PACC1: variants seen among roughly 807,000 people sequenced by gnomAD.
PACC1 encodes proton activated chloride channel 1.
PACC1 carries 34 observed loss-of-function variants against 39.7 expected under a neutral mutation model. The observed-to-expected ratio is 0.86, with a 90% CI of 0.65 to 1.14. The LOEUF (loss-of-function observed/expected upper bound fraction) is 1.14, where lower values mean the gene tolerates loss of function less well. Among genes scored for constraint, PACC1 ranks in the 50% most tolerant of loss-of-function variants. PACC1 has a pLI of 0.00. For synonymous variants in PACC1, 127 were observed against 160.6 expected, an observed-to-expected ratio of 0.79 and a Z score of 1.58; for missense variants, 379 against 436.4, an observed-to-expected ratio of 0.87 and a Z score of 1.17.
Position 212,410,457 on chromosome 1 carries a change from G to A in PACC1, c.101C>T (p.Thr34Met), listed in dbSNP as rs540532429. 7.4e-5 allele frequency: 120 copies of A among 1,614,142 alleles called. No individual in the cohort carries two copies. Among genetic ancestry groups the A allele is most frequent in the Non-Finnish European group, 9.3e-5 (110 of 1,179,994 alleles). Reference protein sequence around the residue: ...SELADEQDKETVRVQGPGILP... With the variant: ...SELADEQDKEMVRVQGPGILP... ...GATACCCGGACCTTGGACTCTGACCGTCTCCTTGTCCTGCTCGTCTGCCAG... is the reference window on the plus strand; with the variant it reads ...GATACCCGGACCTTGGACTCTGACCATCTCCTTGTCCTGCTCGTCTGCCAG... The change falls in exon 2 of 8, where the codon ACG becomes ATG. Residue 34 changes from threonine to methionine, a missense_variant. Transcript: ENST00000261455.
intron 1 of PACC1, among the ~76,000 whole-genome samples, chr1:212,414,349 T>C (rs761246680): frequency 2.6e-5 from 4 of 152,188 alleles, no homozygotes; most frequent in African/African-American, 9.7e-5. Flanking sequence ...GCTCCACTTG[T>C]TGCAAAGAAC....
chr1:212,374,006 T>C (rs895076057), intron 7 of PACC1, among the ~76,000 whole-genome samples: 2 of 151,108 alleles, frequency 1.3e-5, no homozygotes, highest in Admixed American at 1.3e-4. Context: ...AGCAATCTCA[T>C]TGCTGGGTGC....
rs898396456 is a variant in PACC1 at position 212,386,206 on chromosome 1, G to C, written c.343+685C>G. Among the ~76,000 whole-genome samples, 1 of 152,068 alleles carries C rather than the reference G, an allele frequency of 6.6e-6. No individual in the cohort carries two copies. Among genetic ancestry groups the C allele is most frequent in the Non-Finnish European group, 1.5e-5 (1 of 68,012 alleles). ...CACAGGTTACTCAGGGGCATCTGTG[G>C]GCAGAACAGGTGGCACACACTGGGT... is the stretch of plus-strand genomic sequence containing the variant. On this transcript the variant is annotated intron_variant, in intron 3 of 7. Coordinates refer to ENST00000261455, the MANE Select transcript of PACC1 (RefSeq NM_018252.3). This position sits in a 1 kb window ranked among gnomAD's most constrained non-coding sequence, Gnocchi z 5.0.
At chr1:212,371,759 A>G (rs550953458) in intron 7 of PACC1, among the ~76,000 whole-genome samples, 68 of 152,342 alleles carry the variant, frequency 4.5e-4, no homozygotes, top group African/African-American at 1.5e-3. Context: ...TCTGATGAAC[A>G]CAGATGCAAA....
chr1:212,410,381 G>A (rs754293516), intron 2 of PACC1, 44 bp downstream of exon 2: 38 of 1,578,760 alleles, frequency 2.4e-5, no homozygotes, highest in Admixed American at 5.0e-5. Context: ...AGACTGGGGT[G>A]TCCAGCTGCA....
chr1:212,379,809 C>T, intron 5 of PACC1, 86 bp downstream of exon 5: 5 of 1,545,726 alleles, frequency 3.2e-6, no homozygotes, highest in Non-Finnish European at 4.4e-6. Flanking sequence ...CCTGCCCTCA[C>T]CCCTCCGTCT....
At chr1:212,396,200 A>G (rs1023102159) in intron 2 of PACC1, among the ~76,000 whole-genome samples, 1 of 152,228 alleles carries the variant, frequency 6.6e-6, no homozygotes, top group Non-Finnish European at 1.5e-5. Context: ...ATGTCCAACA[A>G]TGATAGACTG....
intron 2 of PACC1, among the ~76,000 whole-genome samples, chr1:212,387,376 G>A (rs752658081): frequency 2.6e-5 from 4 of 152,178 alleles, no homozygotes; most frequent in Middle Eastern, 3.4e-3. Flanking sequence ...GATAAAAAAC[G>A]ATAAAAATGT....
chr1:212,406,225 G>C (rs6666824), intron 2 of PACC1, among the ~76,000 whole-genome samples: 1 of 148,408 alleles, frequency 6.7e-6, no homozygotes, highest in African/African-American at 2.5e-5. Flanking sequence ...ATTATTAGAA[G>C]ACTCAAAGGG....
chr1:212,409,278 G>A (rs1662036738), intron 2 of PACC1, among the ~76,000 whole-genome samples: 1 of 152,186 alleles, frequency 6.6e-6, no homozygotes, highest in Admixed American at 6.5e-5. Context: ...GGAAAGGAGA[G>A]GCGCGTGGAC....
At position 212,373,406 on chromosome 1, in the gene PACC1, CT is replaced by C. The variant is rs1225989049; in HGVS notation, c.891+1786del. On this transcript the variant is annotated intron_variant, in intron 7 of 7. Transcript: ENST00000261455. ...GAAATTATGAAACTAGAAGAAAACA[CT>C]GGGATAATGCTTTAGGACACTGGTC... 3.9e-5 allele frequency among the ~76,000 whole-genome samples: 6 copies of C among 152,142 alleles called. No homozygotes were observed. In the East Asian group the frequency reaches 1.2e-3, roughly 29 times the overall value.
At chr1:212,384,380 G>A (rs748412180) in intron 4 of PACC1, among the ~76,000 whole-genome samples, 2 of 152,094 alleles carry the variant, frequency 1.3e-5, no homozygotes, top group Non-Finnish European at 2.9e-5. Flanking sequence ...TGGCTCTACA[G>A]CACGATGCAT....
At position 212,385,316 on chromosome 1, in the gene PACC1, G is replaced by A. The variant is rs1661058987; in HGVS notation, c.453C>T (p.Thr151=). 1.2e-6 allele frequency: 2 copies of A among 1,614,118 alleles called. No individual in the cohort carries two copies. Among genetic ancestry groups the A allele is most frequent in the East Asian group, 2.2e-5 (1 of 44,866 alleles). Residue 151 remains threonine (T), a synonymous_variant, in exon 4 of 8, where the codon ACC becomes ACT. Coordinates refer to ENST00000261455, the MANE Select transcript of PACC1 (RefSeq NM_018252.3). The part of the protein sequence containing the change: ...PGQPGDMNCT[T]QRINYTDPFS... ...AGGGGTCCGTGTAGTTGATCCTCTG[G>A]GTGGTGCAATTCATGTCACCCGGCT...
chr1:212,403,156 G>A (rs938326296), intron 2 of PACC1, among the ~76,000 whole-genome samples: 1 of 152,152 alleles, frequency 6.6e-6, no homozygotes, highest in Non-Finnish European at 1.5e-5. Flanking sequence ...ATACTAATTG[G>A]TTCTGATTCA....
intron 4 of PACC1, among the ~76,000 whole-genome samples, chr1:212,384,683 G>A (rs950013151): frequency 3.9e-5 from 6 of 152,192 alleles, no homozygotes; most frequent in African/African-American, 1.2e-4. Flanking sequence ...CCCTGTCTTT[G>A]AAACCCTGTG....
At chr1:212,399,421 T>C (rs1661636759) in intron 2 of PACC1, among the ~76,000 whole-genome samples, 1 of 152,216 alleles carries the variant, frequency 6.6e-6, no homozygotes, top group South Asian at 2.1e-4. Context: ...AAAGATGTAA[T>C]TGAAAGAATA....
chr1:212,382,440 C>T (rs571723662), intron 4 of PACC1, among the ~76,000 whole-genome samples: 16 of 152,204 alleles, frequency 1.1e-4, no homozygotes, highest in African/African-American at 3.4e-4. Flanking sequence ...ATAAGGATCC[C>T]GCAGGCTGGA....
chr1:212,384,072 C>T (rs1268095853), intron 4 of PACC1, among the ~76,000 whole-genome samples: 2 of 152,110 alleles, frequency 1.3e-5, no homozygotes, highest in Non-Finnish European at 2.9e-5. Flanking sequence ...ACAGGTCTCT[C>T]CTTCATCTGT....
At chr1:212,390,429 G>GAAA (rs569040186) in intron 2 of PACC1, among the ~76,000 whole-genome samples, 2 of 73,908 alleles carry the variant, frequency 2.7e-5, no homozygotes, top group African/African-American at 4.2e-5. Context: ...ATCTCAAAAA[G>GAAA]AAAAAAAAAA....
Sources: allele counts gnomAD v4.1 joint callset (sites outside exome capture counted in the v4.1 genomes callset), GRCh38; gene constraint gnomAD v4.1.1; non-coding constraint Gnocchi (gnomAD v3.1); transcripts MANE v1.5; gene names NCBI Gene and HGNC (gene_info 2026-07-23, HGNC 2026-07-21).